The following PRKG2 variants were observed in gnomAD, a reference collection of about 807,000 sequenced individuals.
The protein encoded by PRKG2 is cGMP-dependent protein kinase 2.
A neutral mutation model predicts 97.2 loss-of-function variants in PRKG2; 33 were observed. The observed-to-expected ratio is 0.34, with a 90% CI of 0.26 to 0.45. The LOEUF is 0.45. PRKG2 is among the 20% of genes least tolerant of loss of function. The pLI, the probability that PRKG2 is intolerant of heterozygous loss-of-function variation, is 1.00. For synonymous variants in PRKG2, 330 were observed against 321.8 expected (o/e 1.03, Z -0.27); for missense variants, 638 against 900.0 (o/e 0.71, Z 3.73).
At chr4:81,207,298 A>C (rs1363186454) in intron 1 of PRKG2, among the ~76,000 whole-genome samples, 1 of 152,194 alleles carries the variant, frequency 6.6e-6, no homozygotes, top group East Asian at 1.9e-4. Context: ...TTCATGGAGA[A>C]GTATTCTTAG....
At chr4:81,129,742 G>A (rs1174785193) in intron 14 of PRKG2, among the ~76,000 whole-genome samples, 1 of 152,048 alleles carries the variant, frequency 6.6e-6, no homozygotes, top group South Asian at 2.1e-4. Context: ...CACATGAGAC[G>A]GTTCTCCTGA....
intron 14 of PRKG2, among the ~76,000 whole-genome samples, chr4:81,116,859 G>T (rs1744581029): frequency 6.6e-6 from 1 of 151,758 alleles, no homozygotes; most frequent in Admixed American, 6.6e-5. Context: ...ATTTTTAAAT[G>T]GGATTGCTTT....
intron 15 of PRKG2, 105 bp downstream of exon 15, chr4:81,110,343 C>A: frequency 7.9e-7 from 1 of 1,261,602 alleles, no homozygotes; most frequent in Admixed American, 2.6e-5. Context: ...TAATCGAAAA[C>A]ATTTTCAAAA....
rs144753424 is a variant in PRKG2, at chr4:81,118,160, G to A, written c.1777-7549C>T. On this transcript the variant is annotated intron_variant, in intron 14 of 18. Transcript: ENST00000264399. ...GCATTTTGTTTTTTCGCATCTTTTC[G>A]CGGCTTGATAACTCATTTCTTTTTA... Among the ~76,000 whole-genome samples, 14 of 152,020 alleles carry A rather than the reference G, an allele frequency of 9.2e-5. No individual in the cohort carries two copies. The East Asian group carries it at 1.9e-3, about 21-fold the overall frequency.
At chr4:81,183,335 C>T (rs2102818) in intron 2 of PRKG2, among the ~76,000 whole-genome samples, 64,079 of 151,710 alleles carry the variant, frequency 0.42, 19,219 homozygotes, top group African/African-American at 0.84. Flanking sequence ...GTGCAGCCCA[C>T]GGAGGGCAAG....
At chr4:81,132,732 T>C (rs1363303463) in intron 14 of PRKG2, among the ~76,000 whole-genome samples, 1 of 152,230 alleles carries the variant, frequency 6.6e-6, no homozygotes, top group African/African-American at 2.4e-5. Context: ...TCATTGCATA[T>C]ATAATTTCAA....
intron 6 of PRKG2, among the ~76,000 whole-genome samples, chr4:81,159,942 C>T (rs1343989017): frequency 7.9e-6 from 1 of 126,740 alleles, no homozygotes; most frequent in Non-Finnish European, 1.5e-5. Context: ...GGGAACATCA[C>T]ACTCTGGGGA....
chr4:81,197,557 G>C (rs1362857556), intron 2 of PRKG2, among the ~76,000 whole-genome samples: 1 of 152,204 alleles, frequency 6.6e-6, no homozygotes, highest in Non-Finnish European at 1.5e-5. Flanking sequence ...AGAAGCCTTA[G>C]CCACTACTAG....
chr4:81,154,731 C>G (rs937202658), intron 6 of PRKG2, among the ~76,000 whole-genome samples: 1 of 152,206 alleles, frequency 6.6e-6, no homozygotes, highest in Non-Finnish European at 1.5e-5. Context: ...TCCAAAGGAA[C>G]GCAGTTCCTC....
chr4:81,157,626 A>T (rs1488775874), intron 6 of PRKG2, among the ~76,000 whole-genome samples: 1 of 152,128 alleles, frequency 6.6e-6, no homozygotes, highest in Non-Finnish European at 1.5e-5. Flanking sequence ...AGACACAACC[A>T]AAAAAGAGAA....
At chr4:81,144,728 A>C (rs530367024) in intron 9 of PRKG2, among the ~76,000 whole-genome samples, 2 of 150,284 alleles carry the variant, frequency 1.3e-5, no homozygotes, top group South Asian at 4.3e-4. Flanking sequence ...ATTTACATTA[A>C]GTATATCTCC....
intron 11 of PRKG2, 78 bp downstream of exon 11, chr4:81,142,716 C>A: frequency 7.1e-7 from 1 of 1,411,698 alleles, no homozygotes; most frequent in Non-Finnish European, 9.5e-7. Context: ...TCATATATTC[C>A]TCCAAGATAT....
intron 17 of PRKG2, among the ~76,000 whole-genome samples, chr4:81,097,122 C>G (rs1197072170): frequency 2.2e-4 from 34 of 152,066 alleles, no homozygotes; most frequent in Admixed American, 2.2e-3. Flanking sequence ...ATGTTTGTGC[C>G]ACTGCACTCC....
intron 6 of PRKG2, among the ~76,000 whole-genome samples, chr4:81,156,146 A>G (rs1325589515): frequency 5.3e-5 from 8 of 152,346 alleles, no homozygotes; most frequent in Middle Eastern, 3.4e-3. Flanking sequence ...AATTGGATAA[A>G]GAGTCAAGAC....
At chr4:81,160,035 A>G (rs1484542920) in intron 6 of PRKG2, among the ~76,000 whole-genome samples, 1 of 151,848 alleles carries the variant, frequency 6.6e-6, no homozygotes, top group Non-Finnish European at 1.5e-5. Flanking sequence ...GGTGCAGCGC[A>G]CCAGCATGGC....
chr4:81,195,662 A>G (rs1330156410), intron 2 of PRKG2, among the ~76,000 whole-genome samples: 2 of 152,162 alleles, frequency 1.3e-5, no homozygotes, highest in African/African-American at 4.8e-5. Flanking sequence ...AAGTCTGGCT[A>G]ATGTCTGCAA....
intron 2 of PRKG2, among the ~76,000 whole-genome samples, chr4:81,179,472 CA>C (rs1397348964): frequency 6.6e-4 from 101 of 152,130 alleles, no homozygotes; most frequent in Admixed American, 6.6e-3. Context: ...AAGATATTTT[CA>C]AAATGTTTTT....
At chr4:81,144,894 G>A (rs960430434) in intron 9 of PRKG2, among the ~76,000 whole-genome samples, 2 of 151,648 alleles carry the variant, frequency 1.3e-5, no homozygotes, top group Admixed American at 1.3e-4. Context: ...TGCTGAGAAT[G>A]ATGGTTTCCA....
At chr4:81,165,366 C>T (rs569069003) in intron 6 of PRKG2, among the ~76,000 whole-genome samples, 49 of 152,280 alleles carry the variant, frequency 3.2e-4, no homozygotes, top group African/African-American at 1.1e-3. Flanking sequence ...AAATCAACTC[C>T]TAAACTGCAT....
Sources: gnomAD v4.1 joint callset for allele counts (sites outside exome capture counted in the v4.1 genomes callset) on GRCh38, gnomAD v4.1.1 for gene constraint, MANE v1.5 for transcripts, NCBI Gene and HGNC (gene_info 2026-07-23, HGNC 2026-07-21) for gene names.